Variants in NEDD4L observed in about 807,000 individuals in gnomAD.
NEDD4L encodes NEDD4 like E3 ubiquitin protein ligase.
NEDD4L carries 54 observed loss-of-function variants against 148.9 expected under a neutral mutation model. The ratio of observed to expected loss-of-function variants is 0.36; its 90% CI spans 0.29 to 0.45. NEDD4L has a LOEUF of 0.45. Ranked by LOEUF, NEDD4L falls within the 20% of genes least tolerant of loss-of-function variation. NEDD4L has a pLI of 1.00. For synonymous variants in NEDD4L, 433 were observed against 440.7 expected (o/e 0.98, Z 0.22); for missense variants, 856 against 1,233.8 (o/e 0.69, Z 4.59).
At chr18:58,163,509 A>G (rs931811743) in intron 1 of NEDD4L, among the ~76,000 whole-genome samples, 2 of 152,208 alleles carry the variant, frequency 1.3e-5, no homozygotes, top group Non-Finnish European at 2.9e-5. Flanking sequence ...CCTTTGCTAT[A>G]GTAGGGTATT....
rs139179292 is a variant in NEDD4L, at chr18:58,166,318, C to T, written c.122+457C>T. Among the ~76,000 whole-genome samples, 187 of 152,308 alleles carry T rather than the reference C, an allele frequency of 1.2e-3. 1 individual carries two copies. The highest frequency in any genetic ancestry group is 4.2e-3 in the African/African-American group (176 of 41,548). Reference sequence around the variant, plus strand: ...GAATGTGGTGATTTCTGTGGCATTTCTAGAAGTACCAGCAGGGAAGCAGCC... The same window carrying T: ...GAATGTGGTGATTTCTGTGGCATTTTTAGAAGTACCAGCAGGGAAGCAGCC... On this transcript the variant is annotated intron_variant, in intron 2 of 30. Coordinates refer to ENST00000400345, the MANE Select transcript of NEDD4L (RefSeq NM_001144967.3).
intron 5 of NEDD4L, among the ~76,000 whole-genome samples, chr18:58,273,333 C>T (rs2148846144): frequency 6.6e-6 from 1 of 152,332 alleles, no homozygotes; most frequent in African/African-American, 2.4e-5. Context: ...AAAATTATGA[C>T]ACATCCACAT....
At chr18:58,121,698 C>T (rs1053915255) in intron 1 of NEDD4L, among the ~76,000 whole-genome samples, 29 of 152,296 alleles carry the variant, frequency 1.9e-4, no homozygotes, top group African/African-American at 6.7e-4. Context: ...CATGAGCCAC[C>T]ACACCTGGCC....
At position 58,390,641 on chromosome 18, in the gene NEDD4L, C is replaced by T. The variant is rs770350597; in HGVS notation, c.2656-5C>T. ...GGTATAATGACCTTCTGCCTCTGTT[C>T]ATAGGCTGTGCTACTCATGGACGCC... is the stretch of plus-strand genomic sequence containing the variant. On this transcript the variant is annotated splice_region_variant and splice_polypyrimidine_tract_variant and intron_variant, in intron 28 of 30. Coordinates refer to ENST00000400345, the MANE Select transcript of NEDD4L (RefSeq NM_001144967.3). 1 of 1,573,922 alleles carries T rather than the reference C, an allele frequency of 6.4e-7. No homozygotes were observed. Among genetic ancestry groups the T allele is most frequent in the African/African-American group, 1.3e-5 (1 of 74,358 alleles).
In NEDD4L at chr18:58,349,602, T is replaced by G; in HGVS notation, c.1641T>G (p.Leu547=). ...AGACATCTTTAAACCCCAATGACCT[T>G]GGCCCCCTTCCTGTGAGTACACTGG... ...RSKTSLNPND[L]GPLPPGWEER... is the part of the protein sequence containing the mutation. The change falls in exon 17 of 31, where the codon CTT becomes CTG. Residue 547 remains leucine, a synonymous_variant. Coordinates refer to ENST00000400345, the MANE Select transcript of NEDD4L (RefSeq NM_001144967.3). 6.2e-7 allele frequency: 1 copy of G among 1,613,732 alleles called. No individual in the cohort carries two copies. The highest frequency in any genetic ancestry group is 1.1e-5 in the South Asian group (1 of 91,084).
Position 58,325,131 on chromosome 18 carries a change from C to A in NEDD4L, c.649C>A (p.Arg217=). The A allele has an allele frequency of 6.2e-7, 1 of 1,613,996 alleles. No homozygotes were observed. The highest frequency in any genetic ancestry group is 8.5e-7 in the Non-Finnish European group (1 of 1,179,892). ...AACTTACTATGTCAACCACAACAAC[C>A]GGACCACTCAGTGGCACAGACCAAG... ...GRTYYVNHNN[R]TTQWHRPSLM... Residue 217 remains arginine (R), a synonymous_variant, in exon 9 of 31, where the codon CGG becomes AGG. Coordinates refer to ENST00000400345, the MANE Select transcript of NEDD4L (RefSeq NM_001144967.3).
intron 1 of NEDD4L, among the ~76,000 whole-genome samples, chr18:58,073,341 A>G (rs2082989339): frequency 6.6e-6 from 1 of 152,198 alleles, no homozygotes; most frequent in Non-Finnish European, 1.5e-5. Context: ...CTCAATTTCA[A>G]AGCTTTGCTA....
chr18:58,391,641 T>C (rs2049847412), intron 30 of NEDD4L, 82 bp downstream of exon 30: 1 of 947,314 alleles, frequency 1.1e-6, no homozygotes, highest in Non-Finnish European at 1.6e-6. Flanking sequence ...GGCTATTGAA[T>C]GCTCTGTTTC....
chr18:58,135,700 A>C (rs2032763883), intron 1 of NEDD4L, among the ~76,000 whole-genome samples: 2 of 152,150 alleles, frequency 1.3e-5, no homozygotes, highest in Admixed American at 6.5e-5. Context: ...ACATTTGCAA[A>C]GTTTTCTTCA....
chr18:58,216,918 A>G lies in NEDD4L; in HGVS notation c.123-28509A>G, dbSNP rs140266208. On this transcript the variant is annotated intron_variant, in intron 2 of 30. Transcript: ENST00000400345. Reference sequence around the variant, plus strand: ...ACAGCCCTAAAAATTAAACATTAGGAATACAAGGTTTCATAAATTAGGAAC... The same window carrying G: ...ACAGCCCTAAAAATTAAACATTAGGGATACAAGGTTTCATAAATTAGGAAC... Among the ~76,000 whole-genome samples, 516 of 152,358 alleles carry G rather than the reference A, an allele frequency of 3.4e-3. 3 individuals carry two copies. The highest frequency in any genetic ancestry group is 0.011 in the African/African-American group (446 of 41,590).
chr18:58,396,511 G>T lies in NEDD4L; in HGVS notation c.*242G>T, dbSNP rs2050500864. On this transcript the variant is annotated 3_prime_UTR_variant, in exon 31 of 31. Transcript: ENST00000400345. ...GTGTACACTAATTACATTTCAGGAG[G>T]ACTTAATGCTATTTATGTTGTGCCT... The T allele has an allele frequency of 5.4e-6, 2 of 368,072 alleles. No individual in the cohort carries two copies. Among genetic ancestry groups the T allele is most frequent in the Non-Finnish European group, 1.0e-5 (2 of 199,528 alleles). 22.8% of individuals were successfully genotyped at this position (368,072 alleles called of 1,614,324 possible). A position where few individuals can be genotyped will look rare whatever the true frequency, so the allele number is the denominator to read the frequency against.
chr18:58,177,509 C>T (rs1747947577), intron 2 of NEDD4L, among the ~76,000 whole-genome samples: 1 of 152,306 alleles, frequency 6.6e-6, no homozygotes, highest in South Asian at 2.1e-4. Context: ...GAGGAAGGGA[C>T]TCGTTTCTCT....
intron 2 of NEDD4L, among the ~76,000 whole-genome samples, chr18:58,235,462 G>A (rs778306174): frequency 1.4e-4 from 21 of 152,184 alleles, no homozygotes; most frequent in Non-Finnish European, 2.4e-4. Context: ...GAAGTGAAGT[G>A]CAAGCCGAGT....
In NEDD4L at chr18:58,136,011, A is replaced by T. The variant is rs117813877; in HGVS notation, c.49-29777A>T. On this transcript the variant is annotated intron_variant, in intron 1 of 30. Coordinates refer to ENST00000400345, the MANE Select transcript of NEDD4L (RefSeq NM_001144967.3). ...TACAGGTGGTTCTGCTGGCAAACCCAGTGGTCAATTACTGCATCTACTAAG... is the reference window on the plus strand; with the variant it reads ...TACAGGTGGTTCTGCTGGCAAACCCTGTGGTCAATTACTGCATCTACTAAG... 9.4e-3 allele frequency among the ~76,000 whole-genome samples: 1,431 copies of T among 152,348 alleles called. 8 individuals carry two copies. Among genetic ancestry groups the T allele is most frequent in the Middle Eastern group, 0.017 (5 of 294 alleles).
chr18:58,308,066 C>T (rs2057268273), intron 5 of NEDD4L, among the ~76,000 whole-genome samples: 1 of 152,076 alleles, frequency 6.6e-6, no homozygotes, highest in Non-Finnish European at 1.5e-5. Flanking sequence ...ACCATAAAAC[C>T]AGAAGCACAA....
chr18:58,097,330 G>A (rs924044207), intron 1 of NEDD4L, among the ~76,000 whole-genome samples: 4 of 152,176 alleles, frequency 2.6e-5, no homozygotes, highest in African/African-American at 9.7e-5. Context: ...GCAGTTGGCC[G>A]GCAGGCTGCA....
chr18:58,259,617 C>T, intron 5 of NEDD4L, among the ~76,000 whole-genome samples: 1 of 152,150 alleles, frequency 6.6e-6, no homozygotes, highest in Admixed American at 6.5e-5. Flanking sequence ...TTATGAAGTA[C>T]TCAAGGTCTA....
chr18:58,087,700 C>A (rs1231510667), intron 1 of NEDD4L, among the ~76,000 whole-genome samples: 3 of 152,044 alleles, frequency 2.0e-5, no homozygotes, highest in Non-Finnish European at 4.4e-5. Context: ...CATGGAGAAA[C>A]CCCATCTCTA....
intron 1 of NEDD4L, among the ~76,000 whole-genome samples, chr18:58,071,239 G>A (rs550688169): frequency 1.7e-4 from 26 of 152,236 alleles, no homozygotes; most frequent in Non-Finnish European, 3.2e-4. Flanking sequence ...GAGCCCAGGA[G>A]TTTGAGGCTG....
Sources: allele counts gnomAD v4.1 joint callset (sites outside exome capture counted in the v4.1 genomes callset), GRCh38; gene constraint gnomAD v4.1.1; transcripts MANE v1.5; gene names NCBI Gene and HGNC (gene_info 2026-07-23, HGNC 2026-07-21).